SEC61G: variants seen among roughly 807,000 people sequenced by gnomAD.
SEC61G encodes the protein SEC61 translocon subunit gamma.
A neutral mutation model predicts 7.5 loss-of-function variants in SEC61G; 4 were observed. The observed-to-expected ratio is 0.54, with a 90% CI of 0.26 to 1.22. SEC61G has a LOEUF of 1.22. Among genes scored for constraint, SEC61G ranks in the 50% most tolerant of loss-of-function variants. SEC61G has a pLI of 0.12. For synonymous variants in SEC61G, 24 were observed against 24.4 expected, an observed-to-expected ratio of 0.98 and a Z score of 0.05; for missense variants, 53 against 84.6, an observed-to-expected ratio of 0.63 and a Z score of 1.46.
chr7:54,756,421 C>T (rs1414340485), intron 2 of SEC61G, among the ~76,000 whole-genome samples: 1 of 152,064 alleles, frequency 6.6e-6, no homozygotes, highest in Non-Finnish European at 1.5e-5. Flanking sequence ...TTTGGGAGGC[C>T]GAAGTGGGCA....
At chr7:54,753,833 C>T (rs530882161) in intron 3 of SEC61G, among the ~76,000 whole-genome samples, 52 of 152,218 alleles carry the variant, frequency 3.4e-4, no homozygotes, top group African/African-American at 1.3e-3. Flanking sequence ...CTTAGCCTCC[C>T]CATGCCTGTT....
chr7:54,756,516 C>T (rs1791517109), intron 2 of SEC61G, among the ~76,000 whole-genome samples: 1 of 152,086 alleles, frequency 6.6e-6, no homozygotes. Context: ...ATTAGCCGGG[C>T]GTGGTGGCGC....
chr7:54,759,024 AG>A, intron 1 of SEC61G, 133 bp downstream of exon 1: 1 of 372,170 alleles, frequency 2.7e-6, no homozygotes, highest in South Asian at 1.9e-5. Context: ...GCCCTGAGCC[AG>A]GGGACCACTT....
chr7:54,754,032 T>C (rs1213329258), intron 3 of SEC61G, among the ~76,000 whole-genome samples: 1 of 152,126 alleles, frequency 6.6e-6, no homozygotes, highest in South Asian at 2.1e-4. Context: ...AGGAGAGACA[T>C]ACAATATAAA....
In SEC61G at chr7:54,757,564, C is replaced by A; in HGVS notation, c.25G>T (p.Glu9Ter). MDQVMQFVEPSRQFVKDSI... is the reference protein window; with the variant it reads MDQVMQFV ...TCCTTTACAAACTGCCGACTTGGCT[C>A]AACAAACTGCATTACCTGATCCATG... The change falls in exon 2 of 4, where the codon GAG becomes TAG. Residue 9 changes from glutamate to a stop codon, truncating the protein, a stop_gained. Transcript: ENST00000352861. LOFTEE classifies it high-confidence loss of function. 1 of 1,614,082 alleles carries A rather than the reference C, an allele frequency of 6.2e-7. No homozygotes were observed. The highest frequency in any genetic ancestry group is 1.1e-5 in the South Asian group (1 of 91,072).
chr7:54,759,087 C>G, intron 1 of SEC61G, 71 bp downstream of exon 1: 1 of 460,300 alleles, frequency 2.2e-6, no homozygotes, highest in Admixed American at 2.2e-5. Flanking sequence ...TCGCCCACGC[C>G]CGCTGCCCCC....
Position 54,755,513 on chromosome 7 carries a change from C to A in SEC61G, c.197+266G>T, listed in dbSNP as rs1309015319. 1.6e-5 allele frequency: 4 copies of A among 246,684 alleles called. No homozygotes were observed. In the East Asian group the frequency reaches 3.0e-4, roughly 18 times the overall value. The allele number at this position is 246,684 out of a possible 1,614,324, so 15.3% of individuals were successfully genotyped here. The stretch of plus-strand genomic sequence containing the variant: ...AAGAGGACTTAGGTTTCAATGCTGG[C>A]TTTGTGACATATGAGTGTCTTTAAT... On this transcript the variant is annotated intron_variant, in intron 3 of 3. Transcript: ENST00000352861.
intron 3 of SEC61G, chr7:54,755,175 A>G: frequency 6.6e-6 from 1 of 152,328 alleles, no homozygotes; most frequent in East Asian, 1.9e-4. Context: ...AACATACTTA[A>G]AAGTTATGAT....
chr7:54,756,337 T>C (rs1341341215), intron 2 of SEC61G, among the ~76,000 whole-genome samples: 2 of 152,204 alleles, frequency 1.3e-5, no homozygotes, highest in Non-Finnish European at 2.9e-5. Context: ...TTTGCTATTA[T>C]GATGAAGCCA....
chr7:54,755,487 A>G (rs548640696), intron 3 of SEC61G: 1 of 209,116 alleles, frequency 4.8e-6, no homozygotes, highest in South Asian at 1.8e-4. Context: ...GTAACAGCAC[A>G]AAGAGGACTT....
chr7:54,754,804 TA>T (rs1449494707), intron 3 of SEC61G: 2 of 152,210 alleles, frequency 1.3e-5, no homozygotes, highest in African/African-American at 4.8e-5. Flanking sequence ...CAATGAATGT[TA>T]ATTATTATTG....
At chr7:54,754,145 T>C (rs969055487) in intron 3 of SEC61G, among the ~76,000 whole-genome samples, 2 of 151,980 alleles carry the variant, frequency 1.3e-5, no homozygotes, top group Admixed American at 6.6e-5. Context: ...GACAAAAATA[T>C]AGGTTAAGTG....
chr7:54,755,976 T>G (rs565598485), intron 2 of SEC61G, 95 bp from the exon 3 acceptor site: 2 of 589,760 alleles, frequency 3.4e-6, no homozygotes, highest in Admixed American at 6.1e-5. Context: ...TTAACTAGTA[T>G]ACATTTCTCC....
chr7:54,757,367 G>C lies in SEC61G; in HGVS notation c.94+128C>G, dbSNP rs572551628. Reference sequence around the variant, plus strand: ...GAAGAAGTGACAACGTTAAAAAGCTGTCGCGCAGGATCAATCAATAAAAAT... The same window carrying C: ...GAAGAAGTGACAACGTTAAAAAGCTCTCGCGCAGGATCAATCAATAAAAAT... On this transcript the variant is annotated intron_variant, in intron 2 of 3. Transcript: ENST00000352861. 44 of 696,506 alleles carry C rather than the reference G, an allele frequency of 6.3e-5. No individual in the cohort carries two copies. The East Asian group carries it at 1.2e-3, about 19-fold the overall frequency. 43.1% of individuals were successfully genotyped at this position (696,506 alleles called of 1,614,324 possible).
intron 3 of SEC61G, among the ~76,000 whole-genome samples, chr7:54,752,936 CAT>C (rs1791442743): frequency 6.6e-6 from 1 of 152,146 alleles, no homozygotes; most frequent in African/African-American, 2.4e-5. Context: ...ATTAAAACTG[CAT>C]AGTCAGATAT....
intron 2 of SEC61G, 34 bp downstream of exon 2, chr7:54,757,461 G>T (rs1791542425): frequency 1.9e-6 from 3 of 1,544,608 alleles, no homozygotes; most frequent in African/African-American, 1.4e-5. Flanking sequence ...AAAATGCAAA[G>T]ATTTAATTTT....
At chr7:54,758,181 G>A (rs1451849037) in intron 1 of SEC61G, among the ~76,000 whole-genome samples, 1 of 152,158 alleles carries the variant, frequency 6.6e-6, no homozygotes, top group Non-Finnish European at 1.5e-5. Flanking sequence ...AAAGGAAGAC[G>A]CAAATTCTGA....
At chr7:54,757,184 A>T (rs1328041684) in intron 2 of SEC61G, among the ~76,000 whole-genome samples, 2 of 151,946 alleles carry the variant, frequency 1.3e-5, no homozygotes, top group Non-Finnish European at 2.9e-5. Flanking sequence ...GTGGGAGCTG[A>T]GTAGGGAGAC....
chr7:54,755,997 T>A, intron 2 of SEC61G, 116 bp from the exon 3 acceptor site: 1 of 479,098 alleles, frequency 2.1e-6, no homozygotes, highest in South Asian at 4.2e-5. Flanking sequence ...TGTTAATAGA[T>A]ATATAATTTA....
Sources: gnomAD v4.1 joint callset for allele counts (sites outside exome capture counted in the v4.1 genomes callset) on GRCh38, gnomAD v4.1.1 for gene constraint, MANE v1.5 for transcripts, NCBI Gene and HGNC (gene_info 2026-07-23, HGNC 2026-07-21) for gene names.